The following LINGO2 variants were observed in gnomAD, a reference collection of about 807,000 sequenced individuals.
The protein encoded by LINGO2 is leucine rich repeat and Ig domain containing 2, also known as leucine-rich repeat and immunoglobulin-like domain-containing nogo receptor-interacting protein 2.
A neutral mutation model predicts 30.6 loss-of-function variants in LINGO2; 14 were observed. The observed-to-expected ratio is 0.46, with a 90% confidence interval of 0.30 to 0.72. The LOEUF is 0.72. Among genes scored for constraint, LINGO2 ranks in the 30% least tolerant of loss-of-function variants. The probability of loss-of-function intolerance (pLI) is 0.07; values close to 1 mark genes in which losing one functional copy is unlikely to be tolerated. For missense variants in LINGO2, 729 were observed against 751.7 expected, an observed-to-expected ratio of 0.97 and a Z score of 0.35; for synonymous variants, 317 against 288.5, an observed-to-expected ratio of 1.10 and a Z score of -1.00.
At chr9:28,172,432 C>T (rs912797653) in intron 4 of LINGO2, among the ~76,000 whole-genome samples, 3 of 152,122 alleles carry the variant, frequency 2.0e-5, no homozygotes, top group Admixed American at 6.5e-5. Flanking sequence ...AACTAGAGCA[C>T]TTTCCATACA....
At chr9:28,692,980 T>C in the LINGO2 span, among the ~76,000 whole-genome samples, 1 of 152,144 alleles carries the variant, frequency 6.6e-6, no homozygotes, top group African/African-American at 2.4e-5. Flanking sequence ...AGGTATTTAA[T>C]AATTATTTTT....
At chr9:28,602,108 A>T (rs994445152) in intron 1 of LINGO2, among the ~76,000 whole-genome samples, 3 of 152,060 alleles carry the variant, frequency 2.0e-5, no homozygotes, top group Admixed American at 6.6e-5. Flanking sequence ...AACCAAGCAA[A>T]GTTGTGATTT....
the LINGO2 span, among the ~76,000 whole-genome samples, chr9:29,024,670 G>A: frequency 7.9e-5 from 12 of 152,106 alleles, no homozygotes; most frequent in African/African-American, 2.7e-4. Flanking sequence ...GGGAAAATCA[G>A]AGAGCGATGG....
chr9:28,406,958 A>G (rs745370184), intron 2 of LINGO2, among the ~76,000 whole-genome samples: 10 of 152,126 alleles, frequency 6.6e-5, no homozygotes, highest in Non-Finnish European at 1.3e-4. Context: ...AAAAATCCCA[A>G]TTAGTCTCTT....
At chr9:29,024,600 C>T in the LINGO2 span, among the ~76,000 whole-genome samples, 14 of 152,126 alleles carry the variant, frequency 9.2e-5, no homozygotes, top group Non-Finnish European at 1.9e-4. Context: ...TACCCATAAA[C>T]AGAACCTCAA....
chr9:29,119,409 A>G, the LINGO2 span, among the ~76,000 whole-genome samples: 2 of 152,064 alleles, frequency 1.3e-5, no homozygotes, highest in Non-Finnish European at 2.9e-5. Flanking sequence ...GGCTTCACAG[A>G]TATTTTGCTG....
chr9:28,047,073 A>G (rs1285300908), intron 4 of LINGO2, among the ~76,000 whole-genome samples: 2 of 152,142 alleles, frequency 1.3e-5, no homozygotes, highest in East Asian at 1.9e-4. Flanking sequence ...AACAATCCCC[A>G]TAAGCAGACA....
chr9:27,938,698 G>A, the LINGO2 span: 2 of 152,152 alleles, frequency 1.3e-5, no homozygotes, highest in African/African-American at 4.8e-5. Flanking sequence ...GACACAAGTT[G>A]CAATCAATAT....
chr9:27,954,704 C>T (rs1429456710), intron 5 of LINGO2, among the ~76,000 whole-genome samples: 2 of 152,088 alleles, frequency 1.3e-5, no homozygotes, highest in African/African-American at 4.8e-5. Context: ...CATTTTCATG[C>T]TGATGATAAA....
chr9:28,246,842 G>A (rs540664798), intron 4 of LINGO2, among the ~76,000 whole-genome samples: 2 of 152,236 alleles, frequency 1.3e-5, no homozygotes, highest in African/African-American at 4.8e-5. Flanking sequence ...GAATATTTTT[G>A]CAATCTACCC....
At chr9:28,728,535 A>G in the LINGO2 span, among the ~76,000 whole-genome samples, 1 of 152,172 alleles carries the variant, frequency 6.6e-6, no homozygotes, top group Non-Finnish European at 1.5e-5. Context: ...AAAAAATAAA[A>G]GCATATCCAT....
At chr9:28,824,423 G>A in the LINGO2 span, among the ~76,000 whole-genome samples, 3 of 152,098 alleles carry the variant, frequency 2.0e-5, no homozygotes, top group Non-Finnish European at 2.9e-5. Context: ...CCTCAGATGC[G>A]GGACAAGGAA....
chr9:27,995,185 A>G (rs946679857), intron 5 of LINGO2, among the ~76,000 whole-genome samples: 1 of 152,150 alleles, frequency 6.6e-6, no homozygotes, highest in Admixed American at 6.6e-5. Context: ...CCAAGATTGA[A>G]CCATAAAGAA....
At chr9:28,299,325 A>G (rs957360381) in intron 3 of LINGO2, among the ~76,000 whole-genome samples, 18 of 152,326 alleles carry the variant, frequency 1.2e-4, no homozygotes, top group African/African-American at 4.3e-4. Flanking sequence ...AAACAGAGAG[A>G]TTATAAATAA....
chr9:28,218,501 G>A (rs990665803), intron 4 of LINGO2, among the ~76,000 whole-genome samples: 37 of 152,044 alleles, frequency 2.4e-4, no homozygotes, highest in African/African-American at 7.5e-4. Flanking sequence ...TGTTCTCCAC[G>A]ATAAAGAACA....
intron 2 of LINGO2, among the ~76,000 whole-genome samples, chr9:28,433,655 G>A (rs1400611682): frequency 6.6e-6 from 1 of 151,994 alleles, no homozygotes; most frequent in Non-Finnish European, 1.5e-5. Flanking sequence ...TGGTGAAAAG[G>A]GAACACTTTT....
chr9:28,933,471 C>T, the LINGO2 span, among the ~76,000 whole-genome samples: 1 of 151,736 alleles, frequency 6.6e-6, no homozygotes, highest in African/African-American at 2.4e-5. Context: ...TTTTTTTTCC[C>T]GGAGCTTTCA....
intron 1 of LINGO2, among the ~76,000 whole-genome samples, chr9:28,563,005 C>T (rs1563827820): frequency 1.3e-5 from 2 of 151,988 alleles, no homozygotes; most frequent in South Asian, 4.2e-4. Flanking sequence ...TGCGACCACG[C>T]CCTGCTAATT....
At chr9:28,555,680 C>A (rs573494561) in intron 1 of LINGO2, among the ~76,000 whole-genome samples, 3 of 152,078 alleles carry the variant, frequency 2.0e-5, no homozygotes, top group South Asian at 2.1e-4. Context: ...CAAAGCCGGG[C>A]CGAGACACAA....
Sources: gnomAD v4.1 joint callset for allele counts (sites outside exome capture counted in the v4.1 genomes callset) on GRCh38, gnomAD v4.1.1 for gene constraint, MANE v1.5 for transcripts, NCBI Gene and HGNC (gene_info 2026-07-23, HGNC 2026-07-21) for gene names.